The following SPAG17 variants were observed in gnomAD, a reference collection of about 807,000 sequenced individuals.
The protein encoded by SPAG17 is sperm associated antigen 17.
SPAG17 carries 169 observed loss-of-function variants against 273.6 expected under a neutral mutation model. That is an observed-to-expected ratio of 0.62 (90% CI 0.55 to 0.70). The LOEUF (loss-of-function observed/expected upper bound fraction) is 0.70, where lower values mean the gene tolerates loss of function less well. Among genes scored for constraint, SPAG17 ranks in the 30% least tolerant of loss-of-function variants. The pLI is 0.00. For missense variants in SPAG17, 2,557 were observed against 2,627.8 expected (o/e 0.97, Z 0.59); for synonymous variants, 825 against 873.2 (o/e 0.94, Z 0.97).
rs577253043 is a variant in SPAG17 at position 117,978,066 on chromosome 1, G to A, written c.6004+3204C>T. The stretch of plus-strand genomic sequence containing the variant: ...AAAATCTGTTTCCAGTACCCTTTCT[G>A]GATTACCACCTCCTATTCTTCTAGC... On this transcript the variant is annotated intron_variant, in intron 43 of 48. Coordinates refer to ENST00000336338, the MANE Select transcript of SPAG17 (RefSeq NM_206996.4). Among the ~76,000 whole-genome samples the A allele has an allele frequency of 3.3e-5, 5 of 152,146 alleles. No individual in the cohort carries two copies. In the South Asian group the frequency reaches 6.2e-4, roughly 19 times the overall value.
Position 118,054,932 on chromosome 1 carries a change from G to A in SPAG17, c.2722+801C>T, listed in dbSNP as rs140323794. ...GCCAAAATTTTGGAAATTATGTAGC[G>A]TTGCTTCTTTATGAGAAATCCCTCT... is the stretch of plus-strand genomic sequence containing the variant. On this transcript the variant is annotated intron_variant, in intron 19 of 48. Transcript: ENST00000336338. Among the ~76,000 whole-genome samples the A allele has an allele frequency of 1.7e-3, 257 of 152,110 alleles. 2 individuals are homozygous for A. The highest frequency in any genetic ancestry group is 6.8e-3 in the Middle Eastern group (2 of 294).
chr1:117,970,027 A>C (rs1654372210), intron 46 of SPAG17, 29 bp downstream of exon 46: 1 of 1,608,166 alleles, frequency 6.2e-7, no homozygotes, highest in Non-Finnish European at 8.5e-7. Flanking sequence ...GCACGCAAGC[A>C]CACACAACAG....
chr1:118,021,763 G>A (rs1306478840), intron 28 of SPAG17, among the ~76,000 whole-genome samples: 1 of 152,040 alleles, frequency 6.6e-6, no homozygotes, highest in Admixed American at 6.6e-5. Context: ...AGAAATCTGG[G>A]GGACACTGTG....
Position 117,966,682 on chromosome 1 carries a change from C to T in SPAG17, c.6459G>A (p.Lys2153=). 11 of 1,614,046 alleles carry T rather than the reference C, an allele frequency of 6.8e-6. No homozygotes were observed. The highest frequency in any genetic ancestry group is 9.3e-6 in the Non-Finnish European group (11 of 1,179,950). The change falls in exon 47 of 49, where the codon AAG becomes AAA. Residue 2153 remains lysine, a synonymous_variant. Coordinates refer to ENST00000336338, the MANE Select transcript of SPAG17 (RefSeq NM_206996.4). ...FATAVGEDGA[K]GSAHISHNIE... is the part of the protein sequence containing the mutation. Reference sequence around the variant, plus strand: ...TATTGTGAGAGATGTGTGCTGATCCCTTGGCCCCATCCTCTCCAACAGCTG... The same window carrying T: ...TATTGTGAGAGATGTGTGCTGATCCTTTGGCCCCATCCTCTCCAACAGCTG...
Position 117,972,017 on chromosome 1 carries a change from T to TC in SPAG17, c.6171_6172insG (p.Thr2058AspfsTer10). Reference sequence around the variant, plus strand: ...ATGGCAGCAGATGCAACAGAGGATGTGTTCACTTTTCCTCCAACAGAATCT... The same window carrying TC: ...ATGGCAGCAGATGCAACAGAGGATGTCGTTCACTTTTCCTCCAACAGAATCT... On this transcript the variant is annotated frameshift_variant, in exon 45 of 49. Transcript: ENST00000336338. LOFTEE classifies it high-confidence loss of function. The TC allele has an allele frequency of 6.2e-7, 1 of 1,613,786 alleles. No homozygotes were observed. The highest frequency in any genetic ancestry group is 1.1e-5 in the South Asian group (1 of 90,954).
intron 30 of SPAG17, among the ~76,000 whole-genome samples, chr1:118,008,650 T>C (rs1463977344): frequency 1.3e-5 from 2 of 152,198 alleles, no homozygotes; most frequent in Non-Finnish European, 2.9e-5. Context: ...TTTATGTACA[T>C]ATATATCATG....
chr1:118,170,538 T>TA (rs1660373683), intron 1 of SPAG17, among the ~76,000 whole-genome samples: 1 of 152,110 alleles, frequency 6.6e-6, no homozygotes, highest in Non-Finnish European at 1.5e-5. Flanking sequence ...AAGAGAGAGA[T>TA]AAGTCATCTA....
At chr1:118,095,675 T>A (rs1309203323) in intron 7 of SPAG17, among the ~76,000 whole-genome samples, 1 of 152,200 alleles carries the variant, frequency 6.6e-6, no homozygotes, top group Non-Finnish European at 1.5e-5. Context: ...AGGTGGGATT[T>A]CAGGATCCCA....
At chr1:118,114,961 T>C (rs571616253) in intron 4 of SPAG17, among the ~76,000 whole-genome samples, 3 of 152,164 alleles carry the variant, frequency 2.0e-5, no homozygotes, top group Admixed American at 6.6e-5. Context: ...ACTGTGAGGG[T>C]TCCCCCCAAC....
chr1:118,077,614 C>T (rs1654208866), intron 15 of SPAG17, among the ~76,000 whole-genome samples: 1 of 152,068 alleles, frequency 6.6e-6, no homozygotes, highest in Non-Finnish European at 1.5e-5. Context: ...TCTATATTAA[C>T]CCAGAGTGAC....
At chr1:118,009,473 G>C (rs1286100152) in intron 30 of SPAG17, among the ~76,000 whole-genome samples, 1 of 152,082 alleles carries the variant, frequency 6.6e-6, no homozygotes, top group Non-Finnish European at 1.5e-5. Context: ...AGAGTGGAAG[G>C]CTTTTAGAGT....
chr1:117,986,645 T>C (rs754776540), intron 40 of SPAG17, among the ~76,000 whole-genome samples: 2 of 152,166 alleles, frequency 1.3e-5, no homozygotes, highest in Non-Finnish European at 2.9e-5. Flanking sequence ...GAAGTCTCCA[T>C]CTCATCCTAT....
rs74506573 is a variant in SPAG17, at chr1:117,990,745, T to C, written c.5521+116A>G. On this transcript the variant is annotated intron_variant, in intron 38 of 48. Transcript: ENST00000336338. ...CAACACAACATGGCCGATACAAGAA[T>C]GGAGATATGTACATGGTGTCTTGTT... 845 of 607,884 alleles carry C rather than the reference T, an allele frequency of 1.4e-3. 6 individuals are homozygous for C. In the African/African-American group the frequency reaches 0.015, roughly 11 times the overall value. 37.7% of individuals were successfully genotyped at this position (607,884 alleles called of 1,614,324 possible).
chr1:118,181,907 G>A (rs1356299030), intron 1 of SPAG17, among the ~76,000 whole-genome samples: 1 of 152,080 alleles, frequency 6.6e-6, no homozygotes, highest in Non-Finnish European at 1.5e-5. Flanking sequence ...CTTGAGTCCA[G>A]GAGTTTGAGA....
chr1:117,975,456 C>CTTGT (rs893529411), intron 43 of SPAG17, among the ~76,000 whole-genome samples: 4 of 151,662 alleles, frequency 2.6e-5, no homozygotes, highest in South Asian at 2.1e-4. Flanking sequence ...GTTTTTTTTG[C>CTTGT]TTGTTTGTTT....
In SPAG17 at chr1:118,044,734, G is replaced by A. The variant is rs547298836; in HGVS notation, c.2815-2692C>T. On this transcript the variant is annotated intron_variant, in intron 20 of 48. Transcript: ENST00000336338. ...TTGCTGTTCTTATGATACTGAGTGA[G>A]TTCTCAGGAGATCTGGTTGTTTAAA... 3.3e-5 allele frequency among the ~76,000 whole-genome samples: 5 copies of A among 152,224 alleles called. 1 individual carries two copies. In the South Asian group the frequency reaches 8.3e-4, roughly 25 times the overall value.
chr1:118,175,587 A>AG (rs1221713533), intron 1 of SPAG17, among the ~76,000 whole-genome samples: 3 of 151,814 alleles, frequency 2.0e-5, no homozygotes, highest in Non-Finnish European at 4.4e-5. Context: ...AAAAAAAAAA[A>AG]AAAAACTGCC....
chr1:118,114,436 G>A (rs1036100890), intron 4 of SPAG17, among the ~76,000 whole-genome samples: 3 of 152,138 alleles, frequency 2.0e-5, no homozygotes, highest in African/African-American at 7.2e-5. Flanking sequence ...TGGGGGTCTT[G>A]CAAAGGTGAA....
intron 30 of SPAG17, among the ~76,000 whole-genome samples, chr1:118,010,639 T>G (rs932527128): frequency 1.3e-5 from 2 of 152,146 alleles, no homozygotes; most frequent in African/African-American, 4.8e-5. Flanking sequence ...AATACCATTC[T>G]AGACGTAGCA....
Sources: allele counts gnomAD v4.1 joint callset (sites outside exome capture counted in the v4.1 genomes callset), GRCh38; gene constraint gnomAD v4.1.1; transcripts MANE v1.5; gene names NCBI Gene and HGNC (gene_info 2026-07-23, HGNC 2026-07-21).